Variants in NRG1 observed in about 807,000 individuals in gnomAD.
NRG1 encodes neuregulin 1.
NRG1 carries 18 observed loss-of-function variants against 63.8 expected under a neutral mutation model. The ratio of observed to expected loss-of-function variants is 0.28; its 90% CI spans 0.19 to 0.42. NRG1 has a LOEUF of 0.42. Among genes scored for constraint, NRG1 ranks in the 10% least tolerant of loss-of-function variants. The pLI, the probability that NRG1 is intolerant of heterozygous loss-of-function variation, is 1.00. For missense variants in NRG1, 762 were observed against 814.7 expected, an observed-to-expected ratio of 0.94 and a Z score of 0.79; for synonymous variants, 302 against 301.3, an observed-to-expected ratio of 1.00 and a Z score of -0.02.
intron 1 of NRG1, chr8:31,639,904 A>G: frequency 9.2e-7 from 1 of 1,089,800 alleles, no homozygotes; most frequent in Non-Finnish European, 1.1e-6. Context: ...TGGTGCTGCG[A>G]GGGGAAGGAA....
At chr8:32,438,116 A>G (rs1273191876) in intron 1 of NRG1, among the ~76,000 whole-genome samples, 1 of 152,192 alleles carries the variant, frequency 6.6e-6, no homozygotes, top group African/African-American at 2.4e-5. Flanking sequence ...CACTGATACA[A>G]TCAAGATACA....
chr8:32,244,065 AC>A (rs1161052286), intron 1 of NRG1, among the ~76,000 whole-genome samples: 1 of 152,112 alleles, frequency 6.6e-6, no homozygotes, highest in African/African-American at 2.4e-5. Context: ...TTGCTCCAGG[AC>A]TTTTAGGAAA....
intron 1 of NRG1, among the ~76,000 whole-genome samples, chr8:32,235,230 C>CAAAA (rs58148757): frequency 2.3e-5 from 2 of 88,308 alleles, no homozygotes; most frequent in Admixed American, 1.4e-4. Flanking sequence ...CTAATCTCTA[C>CAAAA]AAAAAAAAAA....
chr8:31,919,676 A>G (rs1327329032), intron 1 of NRG1, among the ~76,000 whole-genome samples: 1 of 152,116 alleles, frequency 6.6e-6, no homozygotes, highest in Non-Finnish European at 1.5e-5. Flanking sequence ...AATGTTGTGA[A>G]GAACACATTG....
At chr8:32,170,518 C>A (rs1311965242) in intron 1 of NRG1, among the ~76,000 whole-genome samples, 1 of 152,146 alleles carries the variant, frequency 6.6e-6, no homozygotes, top group East Asian at 1.9e-4. Context: ...CATCTATGGA[C>A]CCAACTGGAA....
intron 1 of NRG1, among the ~76,000 whole-genome samples, chr8:32,119,635 G>C (rs1833177271): frequency 1.3e-5 from 2 of 152,016 alleles, no homozygotes; most frequent in African/African-American, 4.8e-5. Flanking sequence ...CTCCAGGCTT[G>C]GCCTGTAAAA....
chr8:32,305,297 T>A (rs1450054045), intron 1 of NRG1, among the ~76,000 whole-genome samples: 1 of 152,202 alleles, frequency 6.6e-6, no homozygotes, highest in Non-Finnish European at 1.5e-5. Flanking sequence ...TTATGAAGAA[T>A]TTTTGCGTTA....
intron 1 of NRG1, among the ~76,000 whole-genome samples, chr8:32,131,464 C>A (rs1174055586): frequency 6.6e-6 from 1 of 151,930 alleles, no homozygotes; most frequent in Non-Finnish European, 1.5e-5. Context: ...AAATCTAATA[C>A]CCAGTTATCA....
intron 1 of NRG1, among the ~76,000 whole-genome samples, chr8:32,513,445 C>T (rs917453054): frequency 6.6e-6 from 1 of 151,410 alleles, no homozygotes; most frequent in African/African-American, 2.4e-5. Flanking sequence ...ATGATTTCTC[C>T]TATAGTAGTT....
At chr8:32,027,735 T>G in intron 1 of NRG1, among the ~76,000 whole-genome samples, 1 of 152,184 alleles carries the variant, frequency 6.6e-6, no homozygotes, top group South Asian at 2.1e-4. Context: ...TTAGATACTC[T>G]GCAGCCTTTT....
chr8:31,975,369 G>A (rs1265675858), intron 1 of NRG1, among the ~76,000 whole-genome samples: 1 of 152,154 alleles, frequency 6.6e-6, no homozygotes, highest in African/African-American at 2.4e-5. Flanking sequence ...AGGAGGTGAG[G>A]ATGGGAACTG....
At chr8:32,165,758 C>T (rs941218194) in intron 1 of NRG1, among the ~76,000 whole-genome samples, 1 of 152,156 alleles carries the variant, frequency 6.6e-6, no homozygotes, top group African/African-American at 2.4e-5. Context: ...TTTATCTCAT[C>T]CCTTATCATA....
At chr8:32,731,093 A>G (rs1453650702) in intron 6 of NRG1, among the ~76,000 whole-genome samples, 2 of 152,180 alleles carry the variant, frequency 1.3e-5, no homozygotes, top group Non-Finnish European at 2.9e-5. Context: ...CCTCTAAGGA[A>G]CCAGGGCAGT....
rs1443353672 is a variant in NRG1, at chr8:32,548,806, C to A, written c.80C>A (p.Ala27Glu). The A allele has an allele frequency of 5.1e-6, 8 of 1,575,974 alleles. No individual in the cohort carries two copies. The African/African-American group carries it at 6.7e-5, about 13-fold the overall frequency. ...GGCTCCGGCAAGAAGCCGGAGTCCG[C>A]GGCGGGCAGCCAGAGCCCAGGTGGG... is the stretch of plus-strand genomic sequence containing the variant. Residue 27 changes from alanine (A) to glutamate (E), a missense_variant, in exon 1 of 12, where the codon GCG becomes GAG. Ala to Glu is a moderately radical substitution (Grantham distance 107). This residue lies in a region of NRG1 where 137 missense variants were observed against 117.7 expected (regional missense o/e 1.16). Coordinates refer to ENST00000356819, the Ensembl canonical transcript of NRG1.
intron 1 of NRG1, among the ~76,000 whole-genome samples, chr8:32,463,856 C>T (rs368086222): frequency 5.6e-5 from 7 of 125,772 alleles, no homozygotes; most frequent in South Asian, 2.8e-4. Context: ...CACACACACA[C>T]GAAAAAAACT....
chr8:31,749,846 G>A (rs1446610650), intron 1 of NRG1, among the ~76,000 whole-genome samples: 1 of 151,150 alleles, frequency 6.6e-6, no homozygotes, highest in African/African-American at 2.4e-5. Context: ...TCTTTTGCAA[G>A]CAATATTTTA....
At chr8:31,651,492 A>G (rs1585406502) in intron 1 of NRG1, among the ~76,000 whole-genome samples, 2 of 152,346 alleles carry the variant, frequency 1.3e-5, no homozygotes, top group African/African-American at 4.8e-5. Context: ...GGATGAGGTC[A>G]GCACAGAGAG....
At chr8:32,093,806 G>C (rs1829525433) in intron 1 of NRG1, among the ~76,000 whole-genome samples, 1 of 152,226 alleles carries the variant, frequency 6.6e-6, no homozygotes, top group Non-Finnish European at 1.5e-5. Context: ...GTGGAGTTGG[G>C]AAGGAGAGTA....
chr8:31,760,213 A>G (rs1427982686), intron 1 of NRG1, among the ~76,000 whole-genome samples: 1 of 152,050 alleles, frequency 6.6e-6, no homozygotes, highest in Non-Finnish European at 1.5e-5. Context: ...ATCCATCTTG[A>G]ATTAATTTTT....
Sources: gnomAD v4.1 joint callset for allele counts (sites outside exome capture counted in the v4.1 genomes callset) on GRCh38, gnomAD v4.1.1 for gene constraint, gnomAD v4.1.1 regional missense constraint, MANE v1.5 for transcripts, NCBI Gene and HGNC (gene_info 2026-07-23, HGNC 2026-07-21) for gene names.